GRID2: variants seen among roughly 807,000 people sequenced by gnomAD.
GRID2 encodes glutamate ionotropic receptor delta type subunit 2.
GRID2 carries 33 observed loss-of-function variants against 114.8 expected under a neutral mutation model. The ratio of observed to expected loss-of-function variants is 0.29; its 90% CI spans 0.22 to 0.38. The LOEUF (loss-of-function observed/expected upper bound fraction) is 0.38, where lower values mean the gene tolerates loss of function less well. Among genes scored for constraint, GRID2 ranks in the 10% least tolerant of loss-of-function variants. GRID2 has a pLI of 1.00. For synonymous variants in GRID2, 505 were observed against 449.9 expected (o/e 1.12, Z -1.55); for missense variants, 1,184 against 1,257.7 (o/e 0.94, Z 0.89).
chr4:93,731,054 GT>G (rs1730442457), intron 14 of GRID2, among the ~76,000 whole-genome samples: 2 of 152,188 alleles, frequency 1.3e-5, no homozygotes, highest in African/African-American at 2.4e-5. Flanking sequence ...TCACTCACAG[GT>G]TTTTGGCCAG....
At chr4:93,668,635 G>A (rs1724144770) in intron 14 of GRID2, among the ~76,000 whole-genome samples, 1 of 152,164 alleles carries the variant, frequency 6.6e-6, no homozygotes, top group African/African-American at 2.4e-5. Flanking sequence ...CAATTTGTGT[G>A]TGCTAATTGC....
chr4:93,118,100 T>C (rs1405327954), intron 4 of GRID2, among the ~76,000 whole-genome samples: 4 of 152,162 alleles, frequency 2.6e-5, no homozygotes, highest in Non-Finnish European at 5.9e-5. Flanking sequence ...GTAGAGGTCT[T>C]GATGCTTAAT....
chr4:92,980,363 T>C (rs1754116888), intron 2 of GRID2, among the ~76,000 whole-genome samples: 1 of 152,054 alleles, frequency 6.6e-6, no homozygotes, highest in Non-Finnish European at 1.5e-5. Flanking sequence ...TTGTATAATA[T>C]TTTACCTTAA....
intron 1 of GRID2, among the ~76,000 whole-genome samples, chr4:93,788,901 T>G (rs953816900): frequency 5.3e-5 from 8 of 152,210 alleles, no homozygotes; most frequent in African/African-American, 1.9e-4. Context: ...CCTCTTGTGG[T>G]GGCTCTGCAT....
chr4:93,784,776 G>A (rs1198951444), intron 1 of GRID2, among the ~76,000 whole-genome samples: 1 of 152,022 alleles, frequency 6.6e-6, no homozygotes, highest in East Asian at 1.9e-4. Flanking sequence ...AGTATGATAT[G>A]TTCCATAAAA....
intron 13 of GRID2, among the ~76,000 whole-genome samples, chr4:93,603,798 A>G (rs1198244300): frequency 6.6e-6 from 1 of 152,212 alleles, no homozygotes; most frequent in East Asian, 1.9e-4. Context: ...CCTGTGTTCT[A>G]TAAATGCAAC....
intron 2 of GRID2, among the ~76,000 whole-genome samples, chr4:93,074,771 T>C (rs1230178322): frequency 2.0e-5 from 3 of 152,144 alleles, no homozygotes; most frequent in African/African-American, 7.2e-5. Context: ...TCAAAGAAGA[T>C]ACCATATAAA....
At chr4:92,563,624 G>T (rs913446687) in intron 1 of GRID2, among the ~76,000 whole-genome samples, 1 of 151,846 alleles carries the variant, frequency 6.6e-6, no homozygotes, top group African/African-American at 2.4e-5. Flanking sequence ...CTAGTATATT[G>T]TCTCAGTATT....
At chr4:93,548,180 T>TA (rs371142490) in intron 13 of GRID2, among the ~76,000 whole-genome samples, 13 of 150,336 alleles carry the variant, frequency 8.6e-5, no homozygotes, top group African/African-American at 2.7e-4. Context: ...CCATCTCAAT[T>TA]AAAAAAAAAG....
chr4:93,491,430 T>C (rs1726997758), intron 12 of GRID2, among the ~76,000 whole-genome samples: 1 of 151,870 alleles, frequency 6.6e-6, no homozygotes, highest in East Asian at 1.9e-4. Context: ...AATTCACAAA[T>C]GCCATTTCCG....
At chr4:92,975,680 C>T (rs1167921672) in intron 2 of GRID2, among the ~76,000 whole-genome samples, 1 of 152,024 alleles carries the variant, frequency 6.6e-6, no homozygotes, top group East Asian at 1.9e-4. Context: ...TTATTAGTAA[C>T]AACTTGCTTG....
intron 10 of GRID2, among the ~76,000 whole-genome samples, chr4:93,445,761 A>G (rs1009027747): frequency 2.0e-5 from 3 of 152,044 alleles, no homozygotes; most frequent in Admixed American, 1.3e-4. Context: ...TTTATTTTCT[A>G]CTGAGCTTGG....
chr4:93,179,197 T>C (rs529692632), intron 4 of GRID2, among the ~76,000 whole-genome samples: 1 of 152,304 alleles, frequency 6.6e-6, no homozygotes, highest in African/African-American at 2.4e-5. Flanking sequence ...CACATTTTTT[T>C]CCCACATAAA....
chr4:92,961,169 A>G (rs951677677), intron 2 of GRID2, among the ~76,000 whole-genome samples: 1 of 151,916 alleles, frequency 6.6e-6, no homozygotes, highest in East Asian at 1.9e-4. Flanking sequence ...CATTTTTAAT[A>G]AAAACATTGT....
At chr4:93,202,461 G>A (rs1041404623) in intron 4 of GRID2, among the ~76,000 whole-genome samples, 1 of 152,088 alleles carries the variant, frequency 6.6e-6, no homozygotes, top group African/African-American at 2.4e-5. Context: ...TGCTAAAATA[G>A]GAGATTAGAA....
intron 2 of GRID2, among the ~76,000 whole-genome samples, chr4:93,045,989 A>T (rs1188657929): frequency 2.0e-5 from 3 of 151,996 alleles, no homozygotes; most frequent in South Asian, 2.1e-4. Flanking sequence ...CAAAGTCTTT[A>T]AAAAAATGTT....
At chr4:93,225,876 A>T (rs890197928) in intron 7 of GRID2, among the ~76,000 whole-genome samples, 8 of 152,244 alleles carry the variant, frequency 5.3e-5, no homozygotes, top group Non-Finnish European at 8.8e-5. Context: ...AGACCATGGC[A>T]CCCACATCTG....
At chr4:92,958,071 T>C (rs190503933) in intron 2 of GRID2, among the ~76,000 whole-genome samples, 2 of 152,176 alleles carry the variant, frequency 1.3e-5, no homozygotes, top group Admixed American at 6.6e-5. Context: ...TTGTTTTGGA[T>C]TTCCTACATA....
intron 2 of GRID2, among the ~76,000 whole-genome samples, chr4:93,026,917 T>C (rs1403612972): frequency 1.3e-5 from 2 of 152,122 alleles, no homozygotes; most frequent in East Asian, 3.9e-4. Flanking sequence ...CCATTTATAG[T>C]AGGTAACACC....
Sources: gnomAD v4.1 joint callset for allele counts (sites outside exome capture counted in the v4.1 genomes callset) on GRCh38, gnomAD v4.1.1 for gene constraint, MANE v1.5 for transcripts, NCBI Gene and HGNC (gene_info 2026-07-23, HGNC 2026-07-21) for gene names.